The following DENND1A variants were observed in gnomAD, a reference collection of about 807,000 sequenced individuals.
The protein encoded by DENND1A is DENN domain-containing protein 1A.
Under a neutral mutation model 113.7 loss-of-function variants are expected in DENND1A, and 51 were observed. The ratio of observed to expected loss-of-function variants is 0.45; its 90% CI spans 0.36 to 0.57. The LOEUF (loss-of-function observed/expected upper bound fraction) is 0.57. Among genes scored for constraint, DENND1A ranks in the 20% least tolerant of loss-of-function variants. The pLI is 0.00. For missense variants in DENND1A, 1,258 were observed against 1,395.9 expected (o/e 0.90, Z 1.57); for synonymous variants, 565 against 570.8 (o/e 0.99, Z 0.14).
intron 13 of DENND1A, among the ~76,000 whole-genome samples, chr9:123,463,736 C>T (rs2048715424): frequency 6.6e-6 from 1 of 151,610 alleles, no homozygotes; most frequent in African/African-American, 2.4e-5. Context: ...ATGGTGAAAC[C>T]CCATCTCTAC....
intron 10 of DENND1A, among the ~76,000 whole-genome samples, chr9:123,611,420 T>C (rs2060414464): frequency 6.6e-6 from 1 of 152,198 alleles, no homozygotes; most frequent in South Asian, 2.1e-4. Context: ...ACAGCTTCAA[T>C]GTCAAAAATA....
rs540330923 is a variant in DENND1A at position 123,392,014 on chromosome 9, C to A, written c.1632-4156G>T. On this transcript the variant is annotated intron_variant, in intron 21 of 23. Coordinates refer to ENST00000394215, the MANE Select transcript of DENND1A (RefSeq NM_001352964.2). ...CCCGCCTCTGCCCACCTTGTCTCCG[C>A]GTGGAGTTCCCATGCAGATGACTTC... is the stretch of plus-strand genomic sequence containing the variant. Among the ~76,000 whole-genome samples the A allele has an allele frequency of 4.3e-4, 66 of 152,284 alleles. 1 individual carries two copies. The South Asian group carries it at 0.013, about 31-fold the overall frequency.
At chr9:123,847,448 A>C (rs1185618487) in intron 2 of DENND1A, among the ~76,000 whole-genome samples, 1 of 152,218 alleles carries the variant, frequency 6.6e-6, no homozygotes, top group Admixed American at 6.5e-5. Context: ...CAAAAATATT[A>C]ATTATAATGG....
At chr9:123,459,874 G>A (rs936822755) in intron 13 of DENND1A, among the ~76,000 whole-genome samples, 2 of 152,136 alleles carry the variant, frequency 1.3e-5, no homozygotes, top group Admixed American at 6.5e-5. Flanking sequence ...ATTGCACAAG[G>A]GCTGTGAGGA....
chr9:123,591,849 A>T (rs2059472642), intron 11 of DENND1A, among the ~76,000 whole-genome samples: 1 of 152,250 alleles, frequency 6.6e-6, no homozygotes, highest in East Asian at 1.9e-4. Context: ...AACGATGGCA[A>T]TGATAACAAT....
At chr9:123,399,284 C>G (rs2043304800) in intron 21 of DENND1A, among the ~76,000 whole-genome samples, 1 of 152,174 alleles carries the variant, frequency 6.6e-6, no homozygotes, top group Admixed American at 6.5e-5. Flanking sequence ...CCTGAGAAAC[C>G]TTGGGCAAGT....
intron 1 of DENND1A, among the ~76,000 whole-genome samples, chr9:123,915,632 C>T (rs1325978756): frequency 6.6e-6 from 1 of 152,048 alleles, no homozygotes; most frequent in African/African-American, 2.4e-5. Context: ...ACTTGTCTTT[C>T]ATTTCAAGGA....
At chr9:123,744,768 CTCTTTTTT>C (rs1564184553) in intron 5 of DENND1A, among the ~76,000 whole-genome samples, 1 of 137,942 alleles carries the variant, frequency 7.2e-6, no homozygotes. Context: ...CTTATATTAG[CTCTTTTTT>C]TTTTTTTTTT....
At chr9:123,509,376 A>G (rs2053249291) in intron 13 of DENND1A, among the ~76,000 whole-genome samples, 1 of 152,204 alleles carries the variant, frequency 6.6e-6, no homozygotes, top group African/African-American at 2.4e-5. Flanking sequence ...GCCACTTGCT[A>G]GCTGACTAAG....
intron 12 of DENND1A, among the ~76,000 whole-genome samples, chr9:123,579,867 C>T (rs552069037): frequency 2.2e-4 from 33 of 152,232 alleles, no homozygotes; most frequent in Non-Finnish European, 3.7e-4. Context: ...ACCACATCTC[C>T]CCCCATTACA....
chr9:123,834,460 C>G (rs72757144), intron 2 of DENND1A, among the ~76,000 whole-genome samples: 2 of 152,188 alleles, frequency 1.3e-5, no homozygotes, highest in African/African-American at 4.8e-5. Flanking sequence ...GCAGAGGGAG[C>G]TTTCAATCAG....
At chr9:123,806,384 G>A (rs1417362418) in intron 2 of DENND1A, among the ~76,000 whole-genome samples, 1 of 152,066 alleles carries the variant, frequency 6.6e-6, no homozygotes. Flanking sequence ...GCCTCCCCGA[G>A]TAGTTGGGAT....
intron 13 of DENND1A, among the ~76,000 whole-genome samples, chr9:123,548,432 G>T (rs1210047632): frequency 6.6e-6 from 1 of 152,034 alleles, no homozygotes; most frequent in Non-Finnish European, 1.5e-5. Context: ...GATATTCTTG[G>T]GTCCATATTC....
chr9:123,645,072 A>G (rs540241728), intron 9 of DENND1A, among the ~76,000 whole-genome samples: 2 of 152,358 alleles, frequency 1.3e-5, no homozygotes, highest in South Asian at 4.1e-4. Flanking sequence ...AAAGGAAAAC[A>G]ATCAATATAC....
intron 9 of DENND1A, among the ~76,000 whole-genome samples, chr9:123,642,704 TG>T (rs1355003801): frequency 6.6e-6 from 1 of 152,248 alleles, no homozygotes; most frequent in Non-Finnish European, 1.5e-5. Context: ...TTCCTACGGC[TG>T]GAACATGCAG....
intron 2 of DENND1A, among the ~76,000 whole-genome samples, chr9:123,818,567 C>CACACACAT (rs1490590177): frequency 7.1e-5 from 3 of 42,064 alleles, no homozygotes; most frequent in East Asian, 1.2e-3. Context: ...CACACACACA[C>CACACACAT]ATATATATAT....
At chr9:123,468,807 G>C (rs987557850) in intron 13 of DENND1A, among the ~76,000 whole-genome samples, 1 of 152,256 alleles carries the variant, frequency 6.6e-6, no homozygotes, top group Non-Finnish European at 1.5e-5. Flanking sequence ...AGACACTGGC[G>C]TGAGTGTGAG....
At chr9:123,822,454 A>G (rs1590230095) in intron 2 of DENND1A, among the ~76,000 whole-genome samples, 1 of 152,204 alleles carries the variant, frequency 6.6e-6, no homozygotes, top group Admixed American at 6.5e-5. Flanking sequence ...AGAAGGGGGG[A>G]AATTAGTAAT....
chr9:123,774,104 T>G (rs187705086), intron 3 of DENND1A, among the ~76,000 whole-genome samples: 1 of 152,188 alleles, frequency 6.6e-6, no homozygotes, highest in Admixed American at 6.5e-5. Context: ...AGGTGTGTGA[T>G]GAAAAGATCA....
Sources: gnomAD v4.1 joint callset for allele counts (sites outside exome capture counted in the v4.1 genomes callset) on GRCh38, gnomAD v4.1.1 for gene constraint, MANE v1.5 for transcripts, NCBI Gene and HGNC (gene_info 2026-07-23, HGNC 2026-07-21) for gene names.